Variants in RMDN2 observed in about 807,000 individuals in gnomAD.
RMDN2 encodes the protein regulator of microtubule dynamics 2, also known as regulator of microtubule dynamics protein 2.
In RMDN2, 61 loss-of-function variants were observed where a neutral mutation model predicts 52.8. The observed-to-expected ratio is 1.16, with a 90% CI of 0.94 to 1.43. The LOEUF (loss-of-function observed/expected upper bound fraction) is 1.43, where lower values mean the gene tolerates loss of function less well. Among genes scored for constraint, RMDN2 ranks in the 40% most tolerant of loss-of-function variants. The pLI, the probability that RMDN2 is intolerant of heterozygous loss-of-function variation, is 0.00. For synonymous variants in RMDN2, 180 were observed against 153.1 expected, an observed-to-expected ratio of 1.18 and a Z score of -1.30; for missense variants, 592 against 475.3, an observed-to-expected ratio of 1.25 and a Z score of -2.28.
intron 2 of RMDN2, among the ~76,000 whole-genome samples, chr2:37,956,890 G>T (rs1449847416): frequency 6.6e-6 from 1 of 151,960 alleles, no homozygotes; most frequent in African/African-American, 2.4e-5. Context: ...CCACTTATGA[G>T]TGAGAACATG....
At chr2:38,025,627 C>G (rs1405423781) in intron 10 of RMDN2, among the ~76,000 whole-genome samples, 2 of 151,824 alleles carry the variant, frequency 1.3e-5, no homozygotes, top group Non-Finnish European at 2.9e-5. Flanking sequence ...TACGCTTTTT[C>G]TAGTTGAGAA....
chr2:37,925,604 C>T (rs906182638), intron 1 of RMDN2, among the ~76,000 whole-genome samples, 179 bp downstream of exon 1: 52 of 152,352 alleles, frequency 3.4e-4, no homozygotes, highest in African/African-American at 1.0e-3. Flanking sequence ...GCTGGAGCAG[C>T]GGCCCATAGT....
At chr2:37,978,289 C>G (rs6544125) in intron 4 of RMDN2, among the ~76,000 whole-genome samples, 4 of 123,004 alleles carry the variant, frequency 3.3e-5, no homozygotes, top group Admixed American at 1.0e-4. Context: ...AGCCTGGGCT[C>G]GGCATCAGAG....
intron 2 of RMDN2, among the ~76,000 whole-genome samples, chr2:37,944,332 C>A (rs1308618305): frequency 1.2e-4 from 16 of 135,332 alleles, no homozygotes; most frequent in South Asian, 2.4e-4. Flanking sequence ...CAGCCAATCT[C>A]AAAAAAAAAA....
At chr2:37,942,431 G>T (rs1338290909) in intron 2 of RMDN2, among the ~76,000 whole-genome samples, 1 of 152,084 alleles carries the variant, frequency 6.6e-6, no homozygotes, top group Non-Finnish European at 1.5e-5. Context: ...AGGCATATGT[G>T]GAAGAATTTC....
chr2:37,945,566 A>G (rs1017135173), intron 2 of RMDN2, among the ~76,000 whole-genome samples: 2 of 152,232 alleles, frequency 1.3e-5, no homozygotes, highest in African/African-American at 4.8e-5. Context: ...AATGCCTAGT[A>G]CAAATAGATA....
intron 10 of RMDN2, among the ~76,000 whole-genome samples, chr2:38,060,500 T>C (rs1189548297): frequency 6.6e-6 from 1 of 152,208 alleles, no homozygotes; most frequent in Non-Finnish European, 1.5e-5. Flanking sequence ...GCTGTGGGAA[T>C]TGCAGAATAA....
At position 37,936,824 on chromosome 2, in the gene RMDN2, T is replaced by G. The variant is rs141614981; in HGVS notation, c.452+7095T>G. Reference sequence around the variant, plus strand: ...TGTCAGACGAATAGATTGCAAAAATTTTCTCCCATTCTGTAGGGTGCCTGT... The same window carrying G: ...TGTCAGACGAATAGATTGCAAAAATGTTCTCCCATTCTGTAGGGTGCCTGT... On this transcript the variant is annotated intron_variant, in intron 2 of 10. Transcript: ENST00000354545. Among the ~76,000 whole-genome samples, 14 of 152,282 alleles carry G rather than the reference T, an allele frequency of 9.2e-5. No homozygotes were observed. In the East Asian group the frequency reaches 2.7e-3, roughly 29 times the overall value.
chr2:37,956,101 T>C (rs1669421603), intron 2 of RMDN2, among the ~76,000 whole-genome samples: 1 of 152,206 alleles, frequency 6.6e-6, no homozygotes, highest in African/African-American at 2.4e-5. Context: ...CTTCAGTGTT[T>C]TGGAAGAGTT....
At chr2:37,987,726 G>C (rs1326401141) in intron 5 of RMDN2, among the ~76,000 whole-genome samples, 1 of 152,190 alleles carries the variant, frequency 6.6e-6, no homozygotes, top group Admixed American at 6.5e-5. Context: ...AGTTTCATCA[G>C]TTTTAACAAA....
chr2:37,983,575 A>T (rs2125107943), intron 5 of RMDN2, among the ~76,000 whole-genome samples: 1 of 152,336 alleles, frequency 6.6e-6, no homozygotes, highest in East Asian at 1.9e-4. Flanking sequence ...TGAGAAATTT[A>T]AATGTCAATT....
chr2:37,944,250 C>G (rs985496854), intron 2 of RMDN2, among the ~76,000 whole-genome samples: 1 of 151,352 alleles, frequency 6.6e-6, no homozygotes, highest in Admixed American at 6.6e-5. Flanking sequence ...AGTATCTGTA[C>G]TCCTTGGATT....
Position 37,951,674 on chromosome 2 carries a change from G to GGCCA in RMDN2, c.452+21945_452+21946insGCCA, listed in dbSNP as rs1558460567. On this transcript the variant is annotated intron_variant, in intron 2 of 10. Coordinates refer to ENST00000354545, the MANE Select transcript of RMDN2 (RefSeq NM_001170791.3). ...ATCCTCAAGCAAGTGGCCAGAATGT[G>GGCCA]TTTAATCTAAATGAAATCGAAATCT... 1.1e-5 allele frequency: 17 copies of GGCCA among 1,613,044 alleles called. No homozygotes were observed. The Admixed American group carries it at 2.3e-4, about 22-fold the overall frequency.
At chr2:38,015,726 T>G (rs1678676423) in intron 10 of RMDN2, among the ~76,000 whole-genome samples, 1 of 152,162 alleles carries the variant, frequency 6.6e-6, no homozygotes, top group South Asian at 2.1e-4. Flanking sequence ...CAAGAAAGTC[T>G]TAAAAACAAA....
At chr2:37,990,013 G>A (rs1170029284) in intron 6 of RMDN2, among the ~76,000 whole-genome samples, 1 of 151,680 alleles carries the variant, frequency 6.6e-6, no homozygotes, top group East Asian at 1.9e-4. Flanking sequence ...AGTGGTGGCG[G>A]GCGCCTATAG....
chr2:37,987,523 C>T (rs756315867), intron 5 of RMDN2, among the ~76,000 whole-genome samples: 6 of 152,002 alleles, frequency 3.9e-5, no homozygotes, highest in Non-Finnish European at 8.8e-5. Context: ...TCAGTGGTTG[C>T]CAGGGGTTGC....
intron 7 of RMDN2, among the ~76,000 whole-genome samples, chr2:37,994,241 T>C (rs772836765): frequency 6.6e-6 from 1 of 152,210 alleles, no homozygotes; most frequent in Non-Finnish European, 1.5e-5. Context: ...ATTTAATATG[T>C]AGCTATAATG....
chr2:37,973,877 T>G (rs1453778016), intron 2 of RMDN2, among the ~76,000 whole-genome samples, 163 bp from the exon 3 acceptor site: 1 of 152,110 alleles, frequency 6.6e-6, no homozygotes, highest in Admixed American at 6.5e-5. Context: ...GCGCAGGGAC[T>G]TGTAGACTTC....
chr2:38,009,521 A>AT (rs2125218867), intron 10 of RMDN2, among the ~76,000 whole-genome samples: 1 of 152,144 alleles, frequency 6.6e-6, no homozygotes, highest in East Asian at 1.9e-4. Flanking sequence ...AGGCTTGTGC[A>AT]TTTGTCACGT....
Sources: allele counts gnomAD v4.1 joint callset (sites outside exome capture counted in the v4.1 genomes callset), GRCh38; gene constraint gnomAD v4.1.1; transcripts MANE v1.5; gene names NCBI Gene and HGNC (gene_info 2026-07-23, HGNC 2026-07-21).